Variants in UBR1 observed in about 807,000 individuals in gnomAD.
UBR1 encodes ubiquitin protein ligase E3 component n-recognin 1.
UBR1 carries 102 observed loss-of-function variants against 242.1 expected under a neutral mutation model. The observed-to-expected ratio is 0.42, with a 90% CI of 0.36 to 0.50. The LOEUF is 0.50. UBR1 is among the 20% of genes least tolerant of loss of function. UBR1 has a pLI of 0.01. For missense variants in UBR1, 1,772 were observed against 2,101.8 expected, an observed-to-expected ratio of 0.84 and a Z score of 3.07; for synonymous variants, 675 against 684.8, an observed-to-expected ratio of 0.99 and a Z score of 0.22.
chr15:42,960,747 C>A, intron 42 of UBR1, 46 bp from the exon 43 acceptor site: 2 of 1,571,450 alleles, frequency 1.3e-6, no homozygotes, highest in East Asian at 2.3e-5. Context: ...ATCACAGCTT[C>A]AATGCATGAT....
intron 40 of UBR1, among the ~76,000 whole-genome samples, chr15:42,969,429 T>C (rs988909826): frequency 1.6e-4 from 24 of 152,222 alleles, no homozygotes; most frequent in African/African-American, 5.8e-4. Flanking sequence ...CTTTGTCAGA[T>C]GGATAGATTG....
chr15:42,951,292 G>A (rs970418295), intron 45 of UBR1, among the ~76,000 whole-genome samples: 2 of 151,664 alleles, frequency 1.3e-5, no homozygotes, highest in Non-Finnish European at 2.9e-5. Flanking sequence ...GTGTAATCTC[G>A]GCCTACTGCA....
At chr15:43,062,450 AGGG>A (rs1032507765) in intron 6 of UBR1, among the ~76,000 whole-genome samples, 9 of 152,102 alleles carry the variant, frequency 5.9e-5, no homozygotes, top group South Asian at 2.1e-4. Context: ...GGAGGGGAAA[AGGG>A]GGAATTGTTC....
intron 26 of UBR1, among the ~76,000 whole-genome samples, chr15:43,022,254 C>T (rs1426964269): frequency 6.6e-6 from 1 of 151,954 alleles, no homozygotes; most frequent in Non-Finnish European, 1.5e-5. Flanking sequence ...TTAAAACTAT[C>T]CTTTTCTTCC....
chr15:43,039,804 T>A (rs1464316648), intron 15 of UBR1, among the ~76,000 whole-genome samples: 1 of 152,210 alleles, frequency 6.6e-6, no homozygotes, highest in African/African-American at 2.4e-5. Context: ...AGTATGATAT[T>A]GGCTGTGGGT....
Position 42,983,961 on chromosome 15 carries a change from T to G in UBR1, c.4086A>C (p.Ala1362=). ...HNGLKALMQF[A]VAQRITCPQV... Reference sequence around the variant, plus strand: ...GAGGACAGGTAATCCTCTGTGCAACTGCAAACTGCATTAATGCTTTCAGAC... The same window carrying G: ...GAGGACAGGTAATCCTCTGTGCAACGGCAAACTGCATTAATGCTTTCAGAC... The change falls in exon 37 of 47, where the codon GCA becomes GCC. Residue 1362 remains alanine, a synonymous_variant. Transcript: ENST00000290650. The G allele has an allele frequency of 6.2e-7, 1 of 1,613,196 alleles. No individual in the cohort carries two copies.
chr15:43,062,684 T>G (rs990535507), intron 6 of UBR1, among the ~76,000 whole-genome samples: 9 of 152,156 alleles, frequency 5.9e-5, no homozygotes, highest in African/African-American at 2.2e-4. Context: ...TGATCAAAGC[T>G]CACTACAGCC....
At chr15:43,019,278 T>G (rs2033072403) in intron 27 of UBR1, among the ~76,000 whole-genome samples, 1 of 152,122 alleles carries the variant, frequency 6.6e-6, no homozygotes, top group African/African-American at 2.4e-5. Context: ...TTAGCCAGGA[T>G]GGTCTCGATC....
rs1290564440 is a variant in UBR1 at position 43,075,085 on chromosome 15, T to G, written c.422A>C (p.His141Pro). 6.2e-7 allele frequency: 1 copy of G among 1,611,622 alleles called. No homozygotes were observed. Among genetic ancestry groups the G allele is most frequent in the Non-Finnish European group, 8.5e-7 (1 of 1,177,830 alleles). ...ACAGAACCCTCCTCCAGTAGAAGTA[T>G]GCATCTGATAAAGGAAAAATGAGTT... ...SVHKNHRYKMHTSTGGGFCDC... is the reference protein window; with the variant it reads ...SVHKNHRYKMPTSTGGGFCDC... Residue 141 changes from histidine (H) to proline (P), a missense_variant, in exon 4 of 47, where the codon CAT (histidine) becomes CCT (proline). By Grantham distance (77) the His-to-Pro change is moderately conservative. Coordinates refer to ENST00000290650, the MANE Select transcript of UBR1 (RefSeq NM_174916.3).
intron 32 of UBR1, among the ~76,000 whole-genome samples, chr15:43,000,766 G>A (rs190400010): frequency 3.3e-5 from 5 of 152,256 alleles, no homozygotes; most frequent in Admixed American, 6.5e-5. Context: ...TACCACATAC[G>A]TTGAAGAAGA....
intron 2 of UBR1, among the ~76,000 whole-genome samples, chr15:43,083,727 A>C: frequency 6.6e-6 from 1 of 151,854 alleles, no homozygotes; most frequent in Non-Finnish European, 1.5e-5. Flanking sequence ...TGAAGAGATA[A>C]AATTGGGGAA....
At chr15:43,032,028 C>T (rs2033264153) in intron 20 of UBR1, among the ~76,000 whole-genome samples, 3 of 151,816 alleles carry the variant, frequency 2.0e-5, no homozygotes, top group Admixed American at 6.6e-5. Context: ...AGCAAGACTC[C>T]GTCTCAAAAA....
At position 42,966,133 on chromosome 15, in the gene UBR1, G is replaced by T. The variant is rs2032101661; in HGVS notation, c.4591+20C>A. 1 of 1,613,888 alleles carries T rather than the reference G, an allele frequency of 6.2e-7. No individual in the cohort carries two copies. The highest frequency in any genetic ancestry group is 8.5e-7 in the Non-Finnish European group (1 of 1,179,992). On this transcript the variant is annotated intron_variant, in intron 41 of 46. Coordinates refer to ENST00000290650, the MANE Select transcript of UBR1 (RefSeq NM_174916.3). ...GAAAATCTCCCATTTTCCACTCCAT[G>T]ATTTCATTTTTCTACTTACTGGTAT... is the stretch of plus-strand genomic sequence containing the variant.
At chr15:43,081,265 A>C (rs1277468516) in intron 3 of UBR1, among the ~76,000 whole-genome samples, 2 of 151,938 alleles carry the variant, frequency 1.3e-5, no homozygotes, top group African/African-American at 4.8e-5. Context: ...AAAAATACAA[A>C]AATTAGCCAG....
chr15:43,000,196 T>A (rs1377683836), intron 32 of UBR1, among the ~76,000 whole-genome samples: 1 of 152,192 alleles, frequency 6.6e-6, no homozygotes, highest in South Asian at 2.1e-4. Context: ...ACTATATGGG[T>A]AAGTCGAAGT....
At chr15:43,092,600 C>G (rs1026110266) in intron 1 of UBR1, among the ~76,000 whole-genome samples, 1 of 152,148 alleles carries the variant, frequency 6.6e-6, no homozygotes, top group Non-Finnish European at 1.5e-5. Context: ...TGTCACCAGG[C>G]TGGAATGCAG....
intron 27 of UBR1, 177 bp downstream of exon 27, chr15:43,021,098 G>A: frequency 1.8e-6 from 1 of 549,960 alleles, no homozygotes; most frequent in Non-Finnish European, 3.1e-6. Context: ...ATAAATCTTA[G>A]TTTATTTTTA....
At chr15:42,970,726 C>CTTTT in intron 39 of UBR1, 119 bp from the exon 40 acceptor site, 2 of 738,046 alleles carry the variant, frequency 2.7e-6, no homozygotes, top group African/African-American at 1.9e-5. Flanking sequence ...AGGTTCTTTC[C>CTTTT]TTTTTTTTTT....
chr15:43,050,750 G>A (rs1236635786), intron 12 of UBR1, among the ~76,000 whole-genome samples: 1 of 149,612 alleles, frequency 6.7e-6, no homozygotes. Flanking sequence ...AAGCGGGGCA[G>A]GGGAGCAAAG....
Sources: allele counts gnomAD v4.1 joint callset (sites outside exome capture counted in the v4.1 genomes callset), GRCh38; gene constraint gnomAD v4.1.1; transcripts MANE v1.5; gene names NCBI Gene and HGNC (gene_info 2026-07-23, HGNC 2026-07-21).